The following PTPRD variants were observed in gnomAD, a reference collection of about 807,000 sequenced individuals.
PTPRD encodes the protein protein tyrosine phosphatase receptor type D, also known as receptor-type tyrosine-protein phosphatase delta.
In PTPRD, 34 loss-of-function variants were observed where a neutral mutation model predicts 214.5. The observed-to-expected ratio is 0.16, with a 90% CI of 0.12 to 0.21. The LOEUF is 0.21. Among genes scored for constraint, PTPRD ranks in the 10% least tolerant of loss-of-function variants. The pLI is 1.00. For synonymous variants in PTPRD, 1,128 were observed against 845.7 expected (o/e 1.33, Z -5.79); for missense variants, 2,545 against 2,398.7 (o/e 1.06, Z -1.27).
chr9:8,472,561 A>C (rs1383167540), intron 30 of PTPRD, among the ~76,000 whole-genome samples: 3 of 152,226 alleles, frequency 2.0e-5, no homozygotes, highest in African/African-American at 7.2e-5. Flanking sequence ...GGCACTGCCA[A>C]TGTCACTAGC....
chr9:9,054,692 TAAAC>T (rs1224367102), intron 10 of PTPRD, among the ~76,000 whole-genome samples: 3 of 152,200 alleles, frequency 2.0e-5, no homozygotes, highest in South Asian at 4.1e-4. Flanking sequence ...TTTGCTCACT[TAAAC>T]AAACATTCAT....
At chr9:8,889,566 G>A (rs2098520110) in intron 11 of PTPRD, among the ~76,000 whole-genome samples, 1 of 152,138 alleles carries the variant, frequency 6.6e-6, no homozygotes, top group Non-Finnish European at 1.5e-5. Flanking sequence ...CTCATCACCT[G>A]AGCAGTGTAC....
intron 3 of PTPRD, among the ~76,000 whole-genome samples, chr9:10,236,396 A>G (rs2099628983): frequency 6.6e-6 from 1 of 151,958 alleles, no homozygotes; most frequent in Non-Finnish European, 1.5e-5. Flanking sequence ...AAAATGGATG[A>G]CTTCTGACAG....
intron 4 of PTPRD, among the ~76,000 whole-genome samples, chr9:9,970,650 G>A (rs533050770): frequency 1.3e-5 from 2 of 152,162 alleles, no homozygotes; most frequent in South Asian, 4.1e-4. Flanking sequence ...TTTTGTTTAG[G>A]TAGTTACAGA....
intron 11 of PTPRD, among the ~76,000 whole-genome samples, chr9:8,821,274 CCTCT>C (rs148046882): frequency 0.019 from 2,869 of 151,098 alleles, 83 homozygotes; most frequent in African/African-American, 0.065. Flanking sequence ...TTTACAGCCA[CCTCT>C]CTCTCTCTCT....
chr9:8,602,131 C>T (rs753917310), intron 14 of PTPRD, among the ~76,000 whole-genome samples: 1 of 152,194 alleles, frequency 6.6e-6, no homozygotes, highest in East Asian at 1.9e-4. Flanking sequence ...CATATATTTA[C>T]AGGCACAATG....
intron 10 of PTPRD, among the ~76,000 whole-genome samples, chr9:9,163,507 C>T (rs555504507): frequency 2.6e-5 from 4 of 151,952 alleles, no homozygotes; most frequent in Admixed American, 1.3e-4. Context: ...CAGCCACCAC[C>T]GAGATCCAAG....
intron 3 of PTPRD, among the ~76,000 whole-genome samples, chr9:10,167,026 T>C (rs760160653): frequency 2.6e-5 from 4 of 152,166 alleles, no homozygotes; most frequent in Non-Finnish European, 5.9e-5. Context: ...ACTTTCAGAA[T>C]TGTTATTAAG....
At chr9:8,933,266 T>G (rs77432298) in intron 11 of PTPRD, among the ~76,000 whole-genome samples, 6,420 of 150,252 alleles carry the variant, frequency 0.043, 168 homozygotes, top group Middle Eastern at 0.092. Context: ...TCATCTGTCT[T>G]CTTCATTGGT....
At chr9:9,362,250 G>A (rs552060172) in intron 9 of PTPRD, among the ~76,000 whole-genome samples, 267 of 151,056 alleles carry the variant, frequency 1.8e-3, no homozygotes, top group Middle Eastern at 3.4e-3. Flanking sequence ...AAAAGCTTCC[G>A]TATTTATGAC....
At chr9:10,206,705 G>T (rs1338533944) in intron 3 of PTPRD, among the ~76,000 whole-genome samples, 4 of 152,170 alleles carry the variant, frequency 2.6e-5, no homozygotes, top group Non-Finnish European at 4.4e-5. Context: ...TTATATTTGT[G>T]ATATCTAGAT....
chr9:10,368,447 G>A (rs1224479777), intron 2 of PTPRD, among the ~76,000 whole-genome samples: 1 of 152,076 alleles, frequency 6.6e-6, no homozygotes, highest in Non-Finnish European at 1.5e-5. Context: ...ATGATGGATA[G>A]TAAATAATAC....
chr9:8,912,539 G>T (rs1221086779), intron 11 of PTPRD, among the ~76,000 whole-genome samples: 4 of 152,090 alleles, frequency 2.6e-5, no homozygotes, highest in East Asian at 3.8e-4. Flanking sequence ...AACTTTTGGG[G>T]TGGTGGGAAT....
intron 4 of PTPRD, among the ~76,000 whole-genome samples, chr9:9,961,944 C>T (rs938566546): frequency 6.6e-6 from 1 of 151,850 alleles, no homozygotes; most frequent in South Asian, 2.1e-4. Context: ...TAATTTGACC[C>T]ATCAACATAT....
chr9:8,529,485 G>A (rs1247363046), intron 14 of PTPRD, among the ~76,000 whole-genome samples: 1 of 152,114 alleles, frequency 6.6e-6, no homozygotes, highest in Non-Finnish European at 1.5e-5. Flanking sequence ...AGGGATAAGA[G>A]AATGCTTTCC....
chr9:9,246,952 C>G (rs1275599009), intron 9 of PTPRD, among the ~76,000 whole-genome samples: 1 of 151,874 alleles, frequency 6.6e-6, no homozygotes. Context: ...GAACCAAGGT[C>G]TCTCTGACCT....
rs61312788 is a variant in PTPRD, at chr9:9,334,841, A to G, written c.-203+62608T>C. 5.5e-3 allele frequency among the ~76,000 whole-genome samples: 833 copies of G among 152,066 alleles called. 9 individuals are homozygous for G. Among genetic ancestry groups the G allele is most frequent in the African/African-American group, 0.019 (785 of 41,528 alleles). ...AAAGATCTTCCAAGGTACCATTAAGACAAGTAAATAGTAGTACTAGGTAAG... is the reference window on the plus strand; with the variant it reads ...AAAGATCTTCCAAGGTACCATTAAGGCAAGTAAATAGTAGTACTAGGTAAG... On this transcript the variant is annotated intron_variant, in intron 9 of 45. Transcript: ENST00000381196.
intron 8 of PTPRD, among the ~76,000 whole-genome samples, chr9:9,459,618 C>T (rs1164030232): frequency 6.6e-6 from 1 of 151,958 alleles, no homozygotes; most frequent in Admixed American, 6.6e-5. Flanking sequence ...CACAAAAATA[C>T]CTAGAAATAC....
chr9:10,245,629 G>A (rs527923594), intron 3 of PTPRD, among the ~76,000 whole-genome samples: 2 of 152,246 alleles, frequency 1.3e-5, no homozygotes, highest in South Asian at 4.1e-4. Flanking sequence ...ATACAGGTAT[G>A]TTAGATGTAT....
Sources: allele counts gnomAD v4.1 joint callset (sites outside exome capture counted in the v4.1 genomes callset), GRCh38; gene constraint gnomAD v4.1.1; transcripts MANE v1.5; gene names NCBI Gene and HGNC (gene_info 2026-07-23, HGNC 2026-07-21).